Variants in DGKD observed in about 807,000 individuals in gnomAD.
The protein encoded by DGKD is DAG kinase delta.
A neutral mutation model predicts 154.4 loss-of-function variants in DGKD; 68 were observed. The ratio of observed to expected loss-of-function variants is 0.44; its 90% CI spans 0.36 to 0.54. The LOEUF is 0.54. Ranked by LOEUF, DGKD falls within the 20% of genes least tolerant of loss-of-function variation. DGKD has a pLI of 0.00. For synonymous variants in DGKD, 693 were observed against 638.0 expected, an observed-to-expected ratio of 1.09 and a Z score of -1.30; for missense variants, 1,343 against 1,593.6, an observed-to-expected ratio of 0.84 and a Z score of 2.68.
At position 233,446,749 on chromosome 2, in the gene DGKD, C is replaced by A; in HGVS notation, c.1372C>A (p.Gln458Lys). ...GGCATACGAGGCCAAGCTCCCCCGGCAGGCCTCCTCCTCTACCGTCACCGA... is the reference window on the plus strand; with the variant it reads ...GGCATACGAGGCCAAGCTCCCCCGGAAGGCCTCCTCCTCTACCGTCACCGA... ...VMAYEAKLPRQASSSTVTEDF... is the reference protein window; with the variant it reads ...VMAYEAKLPRKASSSTVTEDF... The change falls in exon 12 of 30, where the codon CAG (glutamine) becomes AAG (lysine). Residue 458 changes from glutamine (Q) to lysine (K), a missense_variant. By Grantham distance (53) the Gln-to-Lys change is moderately conservative. This residue lies in a region of DGKD where 409 missense variants were observed against 446.0 expected (regional missense o/e 0.92). Transcript: ENST00000264057. 1 of 1,614,206 alleles carries A rather than the reference C, an allele frequency of 6.2e-7. No homozygotes were observed. The highest frequency in any genetic ancestry group is 8.5e-7 in the Non-Finnish European group (1 of 1,180,044).
intron 3 of DGKD, among the ~76,000 whole-genome samples, chr2:233,423,380 A>G (rs754826934): frequency 2.0e-4 from 30 of 152,178 alleles, no homozygotes; most frequent in Non-Finnish European, 4.4e-5. Flanking sequence ...CCCAACAGTA[A>G]GATCCACTTT....
intron 3 of DGKD, among the ~76,000 whole-genome samples, chr2:233,423,982 C>T (rs1021862105): frequency 6.6e-6 from 1 of 152,164 alleles, no homozygotes; most frequent in Admixed American, 6.5e-5. Flanking sequence ...TGTTGATTTT[C>T]TGATGCCCAT....
At chr2:233,451,933 G>GCAC (rs1310543269) in intron 17 of DGKD, 31 bp from the exon 18 acceptor site, 1 of 1,602,130 alleles carries the variant, frequency 6.2e-7, no homozygotes, top group Non-Finnish European at 8.6e-7. Flanking sequence ...CTCCTGACCA[G>GCAC]CACCACCTCT....
rs188034333 is a variant in DGKD, at chr2:233,383,926, G to A, written c.157-4331G>A. Among the ~76,000 whole-genome samples, 117 of 152,344 alleles carry A rather than the reference G, an allele frequency of 7.7e-4. 1 individual carries two copies. The highest frequency in any genetic ancestry group is 2.7e-3 in the African/African-American group (112 of 41,568). On this transcript the variant is annotated intron_variant, in intron 1 of 29. Transcript: ENST00000264057. ...ATTCTAAATGTTCCGGCAGTGGGAA[G>A]CAGGTGAATGATGGAGGGGAGGGTG...
chr2:233,402,402 G>A (rs1484655601), intron 3 of DGKD, among the ~76,000 whole-genome samples: 1 of 152,166 alleles, frequency 6.6e-6, no homozygotes, highest in African/African-American at 2.4e-5. Flanking sequence ...TGTGTACTTG[G>A]CCACACCTTG....
intron 3 of DGKD, among the ~76,000 whole-genome samples, chr2:233,407,125 A>G (rs892132303): frequency 2.0e-5 from 3 of 152,220 alleles, no homozygotes; most frequent in Admixed American, 6.5e-5. Flanking sequence ...GGATTGGCAC[A>G]GAAGTGCGTT....
intron 1 of DGKD, among the ~76,000 whole-genome samples, chr2:233,384,149 T>G (rs1703042801): frequency 6.6e-6 from 1 of 152,000 alleles, no homozygotes; most frequent in African/African-American, 2.4e-5. Context: ...ACACTCAGGG[T>G]GATTTGATCT....
chr2:233,420,132 T>G (rs959550750), intron 3 of DGKD, among the ~76,000 whole-genome samples: 6 of 152,172 alleles, frequency 3.9e-5, no homozygotes, highest in Non-Finnish European at 7.4e-5. Flanking sequence ...CTGGGAACCC[T>G]GCATAAAGGG....
At chr2:233,373,898 CAT>C (rs1226086455) in intron 1 of DGKD, among the ~76,000 whole-genome samples, 5 of 151,964 alleles carry the variant, frequency 3.3e-5, no homozygotes, top group African/African-American at 1.2e-4. Flanking sequence ...AAAGAAATAA[CAT>C]ATAGAATAAT....
intron 24 of DGKD, 122 bp downstream of exon 24, chr2:233,460,467 A>G: frequency 7.8e-7 from 1 of 1,280,558 alleles, no homozygotes; most frequent in Non-Finnish European, 1.1e-6. Flanking sequence ...TGCATTACCC[A>G]TGAGGGCCGA....
intron 1 of DGKD, among the ~76,000 whole-genome samples, chr2:233,380,221 A>C (rs1007305522): frequency 6.6e-6 from 1 of 152,224 alleles, no homozygotes; most frequent in Non-Finnish European, 1.5e-5. Context: ...TATTAACTAA[A>C]GAGGAAACGT....
chr2:233,382,563 T>A (rs1219828425), intron 1 of DGKD, among the ~76,000 whole-genome samples: 1 of 152,182 alleles, frequency 6.6e-6, no homozygotes, highest in African/African-American at 2.4e-5. Flanking sequence ...CAGGTCACCT[T>A]GGGCAGGCTG....
At position 233,445,887 on chromosome 2, in the gene DGKD, A is replaced by G. The variant is rs1276067669; in HGVS notation, c.1334+125A>G. ...CTCTGAAATTATTTGTAAAGATTTGACCTGAGTATATATTCGGATAGTCTT... is the reference window on the plus strand; with the variant it reads ...CTCTGAAATTATTTGTAAAGATTTGGCCTGAGTATATATTCGGATAGTCTT... On this transcript the variant is annotated intron_variant, in intron 11 of 29. Coordinates refer to ENST00000264057, the MANE Select transcript of DGKD (RefSeq NM_152879.3). This position sits in a 1 kb window ranked among gnomAD's most constrained non-coding sequence, Gnocchi z 5.5. 1.6e-6 allele frequency: 2 copies of G among 1,229,178 alleles called. No individual in the cohort carries two copies. Among genetic ancestry groups the G allele is most frequent in the Non-Finnish European group, 2.2e-6 (2 of 911,520 alleles). 76.1% of individuals were successfully genotyped at this position (1,229,178 alleles called of 1,614,324 possible). A position where few individuals can be genotyped will look rare whatever the true frequency, so the allele number is the denominator to read the frequency against.
chr2:233,434,758 C>T lies in DGKD; in HGVS notation c.454-11C>T, dbSNP rs778146685. On this transcript the variant is annotated splice_polypyrimidine_tract_variant and intron_variant, in intron 4 of 29. Coordinates refer to ENST00000264057, the MANE Select transcript of DGKD (RefSeq NM_152879.3). ...AGTCTTATCTTTGCCCTCTTGGTTTCGTTCTTCCAGCCCACCCAGTACAGC... is the reference window on the plus strand; with the variant it reads ...AGTCTTATCTTTGCCCTCTTGGTTTTGTTCTTCCAGCCCACCCAGTACAGC... The T allele has an allele frequency of 6.0e-5, 96 of 1,599,824 alleles. No homozygotes were observed. The highest frequency in any genetic ancestry group is 7.8e-5 in the South Asian group (7 of 89,834).
At chr2:233,355,486 C>T (rs887168683) in intron 1 of DGKD, among the ~76,000 whole-genome samples, 1 of 152,214 alleles carries the variant, frequency 6.6e-6, no homozygotes, top group African/African-American at 2.4e-5. Flanking sequence ...AGGCTGGGTC[C>T]CTGGGGCAGC....
chr2:233,400,509 C>G (rs1461405318), intron 3 of DGKD, among the ~76,000 whole-genome samples: 2 of 152,252 alleles, frequency 1.3e-5, no homozygotes, highest in African/African-American at 4.8e-5. Context: ...TGGCCTCTCC[C>G]ATTTGTGGGG....
chr2:233,463,538 A>G lies in DGKD; in HGVS notation c.3187-626A>G, dbSNP rs1305889236. On this transcript the variant is annotated intron_variant, in intron 26 of 29. Coordinates refer to ENST00000264057, the MANE Select transcript of DGKD (RefSeq NM_152879.3). ...ATGTCCTCACTCCACGCATCTCCTC[A>G]CTCCACGCATCTCCTCACTCCACGC... Among the ~76,000 whole-genome samples the G allele has an allele frequency of 8.0e-4, 98 of 123,114 alleles. 5 individuals carry two copies. Among genetic ancestry groups the G allele is most frequent in the African/African-American group, 2.7e-3 (70 of 26,322 alleles). The allele number at this position is 123,114 out of a possible 152,430, so 80.8% of individuals were successfully genotyped here.
intron 3 of DGKD, among the ~76,000 whole-genome samples, chr2:233,398,530 C>T (rs1334710826): frequency 6.6e-6 from 1 of 152,156 alleles, no homozygotes; most frequent in African/African-American, 2.4e-5. Flanking sequence ...TCTCCATTTT[C>T]TCTTGGGTTT....
rs886088100 is a variant in DGKD, at chr2:233,438,961, C to T, written c.1085+582C>T. ...GTGCAGGTGCTGCAAGGCAGGAACA[C>T]GTAAGGGCGGCGTTGGGCCAGAGCG... On this transcript the variant is annotated intron_variant, in intron 9 of 29. Transcript: ENST00000264057. This position sits in a 1 kb window ranked among gnomAD's most constrained non-coding sequence, Gnocchi z 4.1. 2.6e-5 allele frequency among the ~76,000 whole-genome samples: 4 copies of T among 152,220 alleles called. No individual in the cohort carries two copies. Among genetic ancestry groups the T allele is most frequent in the African/African-American group, 7.2e-5 (3 of 41,448 alleles).
Sources: gnomAD v4.1 joint callset for allele counts (sites outside exome capture counted in the v4.1 genomes callset) on GRCh38, gnomAD v4.1.1 for gene constraint, gnomAD v4.1.1 regional missense constraint, Gnocchi (gnomAD v3.1) non-coding constraint, MANE v1.5 for transcripts, NCBI Gene and HGNC (gene_info 2026-07-23, HGNC 2026-07-21) for gene names.